TAFA1: variants seen among roughly 807,000 people sequenced by gnomAD.
TAFA1 encodes chemokine-like protein TAFA-1.
In TAFA1, 4 loss-of-function variants were observed where a neutral mutation model predicts 18.5. The observed-to-expected ratio is 0.22, with a 90% CI of 0.11 to 0.49. TAFA1 has a LOEUF of 0.49. TAFA1 is among the 20% of genes least tolerant of loss of function. The pLI is 0.98. For synonymous variants in TAFA1, 56 were observed against 55.2 expected (o/e 1.01, Z -0.06); for missense variants, 147 against 169.0 (o/e 0.87, Z 0.72).
At chr3:68,457,918 C>T (rs1336132974) in intron 3 of TAFA1, among the ~76,000 whole-genome samples, 1 of 152,088 alleles carries the variant, frequency 6.6e-6, no homozygotes, top group Non-Finnish European at 1.5e-5. Context: ...ATGACATTGT[C>T]CCATAGACCA....
intron 2 of TAFA1, among the ~76,000 whole-genome samples, chr3:68,188,498 T>TAC (rs2066296754): frequency 1.2e-5 from 1 of 83,358 alleles, no homozygotes; most frequent in South Asian, 5.3e-4. Flanking sequence ...AATGTATGTG[T>TAC]ATATATATTT....
chr3:68,038,265 T>A (rs1705093409), intron 2 of TAFA1, among the ~76,000 whole-genome samples: 1 of 152,164 alleles, frequency 6.6e-6, no homozygotes, highest in Non-Finnish European at 1.5e-5. Flanking sequence ...AAGGTGATGA[T>A]CAAGAAAAAA....
rs914456325 is a variant in TAFA1, at chr3:68,006,631, C to T, written c.5C>T (p.Ala2Val). The T allele has an allele frequency of 1.2e-6, 2 of 1,610,870 alleles. No homozygotes were observed. Among genetic ancestry groups the T allele is most frequent in the Non-Finnish European group, 1.7e-6 (2 of 1,177,218 alleles). Residue 2 changes from alanine (A) to valine (V), a missense_variant, in exon 2 of 5, where the codon GCA (alanine) becomes GTA (valine). Ala to Val is a moderately conservative substitution (Grantham distance 64, BLOSUM62 0). Transcript: ENST00000478136. ...GTCGAATGTTCTCTTTAGAGAATGG[C>T]AATGGTCTCTGCGATGTCCTGGGTC... The part of the protein sequence containing the change: M[A>V]MVSAMSWVLY...
chr3:68,439,917 TATG>T (rs1257980768), intron 3 of TAFA1, among the ~76,000 whole-genome samples: 1 of 152,130 alleles, frequency 6.6e-6, no homozygotes, highest in Admixed American at 6.6e-5. Context: ...AGATCATAAT[TATG>T]CCTAACATAA....
chr3:68,300,597 G>A (rs1182652784), intron 2 of TAFA1, among the ~76,000 whole-genome samples: 1 of 152,080 alleles, frequency 6.6e-6, no homozygotes, highest in Non-Finnish European at 1.5e-5. Flanking sequence ...GTTTTGAAAT[G>A]TGAGGACATG....
At chr3:68,522,568 G>A (rs897848289) in intron 3 of TAFA1, among the ~76,000 whole-genome samples, 3 of 152,194 alleles carry the variant, frequency 2.0e-5, no homozygotes, top group Admixed American at 2.0e-4. Flanking sequence ...GGCACTTGAG[G>A]CCAGGTACAG....
chr3:68,539,584 G>T (rs1559711535), intron 4 of TAFA1, among the ~76,000 whole-genome samples: 1 of 150,270 alleles, frequency 6.7e-6, no homozygotes, highest in Non-Finnish European at 1.5e-5. Flanking sequence ...TAATAAAAAA[G>T]TATGTCTATT....
intron 2 of TAFA1, among the ~76,000 whole-genome samples, chr3:68,087,352 G>A (rs1172687986): frequency 2.0e-5 from 3 of 152,100 alleles, no homozygotes; most frequent in African/African-American, 4.8e-5. Flanking sequence ...GGTTGCCAAT[G>A]AAATTTGACT....
chr3:68,168,800 C>T (rs2066016574), intron 2 of TAFA1, among the ~76,000 whole-genome samples: 1 of 152,076 alleles, frequency 6.6e-6, no homozygotes, highest in Admixed American at 6.5e-5. Context: ...TAGACAATTG[C>T]TTTTTGATTT....
chr3:68,438,353 T>A (rs2071302857), intron 3 of TAFA1, among the ~76,000 whole-genome samples: 1 of 152,062 alleles, frequency 6.6e-6, no homozygotes, highest in African/African-American at 2.4e-5. Context: ...TGAGACCTTG[T>A]CTCAGAAAAA....
chr3:68,363,225 T>G (rs957933480), intron 2 of TAFA1, among the ~76,000 whole-genome samples: 1 of 151,452 alleles, frequency 6.6e-6, no homozygotes, highest in South Asian at 2.1e-4. Flanking sequence ...TTGGGAAGAG[T>G]GAGAAGGTAG....
chr3:68,460,197 A>G (rs949970551), intron 3 of TAFA1, among the ~76,000 whole-genome samples: 1 of 152,176 alleles, frequency 6.6e-6, no homozygotes, highest in Non-Finnish European at 1.5e-5. Flanking sequence ...TGAAGTTAAA[A>G]AAGGGATGGG....
intron 2 of TAFA1, among the ~76,000 whole-genome samples, chr3:68,363,090 C>T (rs554272655): frequency 6.7e-6 from 1 of 148,498 alleles, no homozygotes; most frequent in Non-Finnish European, 1.5e-5. Flanking sequence ...CTGGGGAATT[C>T]CTGATGTTAC....
chr3:68,486,722 G>A (rs2072347701), intron 3 of TAFA1, among the ~76,000 whole-genome samples: 1 of 152,204 alleles, frequency 6.6e-6, no homozygotes, highest in Admixed American at 6.5e-5. Context: ...TGGTGTCAAT[G>A]CAGCATTATT....
At chr3:68,083,639 G>T (rs1397845298) in intron 2 of TAFA1, among the ~76,000 whole-genome samples, 1 of 152,162 alleles carries the variant, frequency 6.6e-6, no homozygotes, top group Non-Finnish European at 1.5e-5. Context: ...CATGGGAAAT[G>T]GAGTTAAATG....
chr3:68,340,155 C>T (rs1322781958), intron 2 of TAFA1, among the ~76,000 whole-genome samples: 2 of 152,120 alleles, frequency 1.3e-5, no homozygotes, highest in Non-Finnish European at 2.9e-5. Context: ...GACATACATG[C>T]AAATTGAGTA....
chr3:68,246,051 A>C (rs1034316562), intron 2 of TAFA1, among the ~76,000 whole-genome samples: 4 of 152,138 alleles, frequency 2.6e-5, no homozygotes, highest in Non-Finnish European at 5.9e-5. Flanking sequence ...CTTCAGAGTC[A>C]ACGACGATGT....
intron 2 of TAFA1, among the ~76,000 whole-genome samples, chr3:68,237,499 C>T (rs2066942604): frequency 6.6e-6 from 1 of 152,136 alleles, no homozygotes; most frequent in South Asian, 2.1e-4. Context: ...GTTTTTAATG[C>T]TACGCACACA....
At chr3:68,179,956 G>C (rs1208478880) in intron 2 of TAFA1, among the ~76,000 whole-genome samples, 1 of 151,172 alleles carries the variant, frequency 6.6e-6, no homozygotes, top group Non-Finnish European at 1.5e-5. Flanking sequence ...AAATCAGCTA[G>C]TGTACACCAA....
Sources: gnomAD v4.1 joint callset for allele counts (sites outside exome capture counted in the v4.1 genomes callset) on GRCh38, gnomAD v4.1.1 for gene constraint, MANE v1.5 for transcripts, NCBI Gene and HGNC (gene_info 2026-07-23, HGNC 2026-07-21) for gene names.